The following C8A variants were observed in gnomAD, a reference collection of about 807,000 sequenced individuals.
C8A encodes the protein complement C8 alpha chain.
A neutral mutation model predicts 65.3 loss-of-function variants in C8A; 67 were observed. The ratio of observed to expected loss-of-function variants is 1.03; its 90% CI spans 0.84 to 1.26. The LOEUF (loss-of-function observed/expected upper bound fraction) is 1.26. Among genes scored for constraint, C8A ranks in the 50% most tolerant of loss-of-function variants. The pLI, the probability that C8A is intolerant of heterozygous loss-of-function variation, is 0.00. For synonymous variants in C8A, 290 were observed against 259.4 expected (o/e 1.12, Z -1.13); for missense variants, 781 against 723.9 (o/e 1.08, Z -0.90).
chr1:56,902,739 AGTCTTTATCCTTTT>A lies in C8A; in HGVS notation c.1097-3925_1097-3912del, dbSNP rs1644436333. Among the ~76,000 whole-genome samples the A allele has an allele frequency of 2.6e-5, 4 of 152,302 alleles. No individual in the cohort carries two copies. In the East Asian group the frequency reaches 7.7e-4, roughly 29 times the overall value. On this transcript the variant is annotated intron_variant, in intron 7 of 10. Transcript: ENST00000361249. ...ATATCTAATATAAGTGGAATCAGGC[AGTCTTTATCCTTTT>A]GTGACTGGCTTATTTCATATAGCAG...
At chr1:56,909,305 C>T (rs1484525631) in intron 9 of C8A, among the ~76,000 whole-genome samples, 2 of 152,170 alleles carry the variant, frequency 1.3e-5, no homozygotes, top group Non-Finnish European at 2.9e-5. Flanking sequence ...TATTTAAAAT[C>T]CCAGATATGG....
At chr1:56,876,948 C>T (rs607221) in intron 4 of C8A, among the ~76,000 whole-genome samples, 45,836 of 152,052 alleles carry the variant, frequency 0.3, 8,027 homozygotes, top group South Asian at 0.5. Context: ...GCTCTAACTC[C>T]CAATGTGACT....
chr1:56,917,281 T>A (rs1025021269), intron 10 of C8A, among the ~76,000 whole-genome samples: 3 of 152,224 alleles, frequency 2.0e-5, no homozygotes, highest in African/African-American at 7.2e-5. Context: ...CCCTCCTCAG[T>A]AGCAGCTCTG....
intron 4 of C8A, among the ~76,000 whole-genome samples, chr1:56,877,598 G>C (rs945669589): frequency 2.5e-4 from 38 of 152,234 alleles, no homozygotes; most frequent in Middle Eastern, 3.4e-3. Context: ...TAAACTCTTT[G>C]AGGGCAGAGG....
At chr1:56,901,419 A>T (rs1325751722) in intron 7 of C8A, among the ~76,000 whole-genome samples, 2 of 152,260 alleles carry the variant, frequency 1.3e-5, no homozygotes, top group East Asian at 3.9e-4. Flanking sequence ...AGCCACAGAC[A>T]TGCAGAAGCT....
chr1:56,913,997 A>T (rs1467210924), intron 10 of C8A, among the ~76,000 whole-genome samples: 1 of 152,216 alleles, frequency 6.6e-6, no homozygotes, highest in East Asian at 1.9e-4. Context: ...GCGTACCAAG[A>T]TTTTTGTTCT....
At chr1:56,858,726 G>A (rs2101182924) in intron 1 of C8A, among the ~76,000 whole-genome samples, 1 of 152,296 alleles carries the variant, frequency 6.6e-6, no homozygotes, top group Non-Finnish European at 1.5e-5. Context: ...AAAACAATTG[G>A]AGTAGTGGGT....
intron 7 of C8A, among the ~76,000 whole-genome samples, chr1:56,893,742 G>T (rs1168329400): frequency 6.6e-6 from 1 of 152,096 alleles, no homozygotes; most frequent in African/African-American, 2.4e-5. Flanking sequence ...TAGAGTGGTT[G>T]GTTGTGAAGA....
At position 56,886,113 on chromosome 1, in the gene C8A, G is replaced by C; in HGVS notation, c.1042G>C (p.Gly348Arg). The C allele has an allele frequency of 6.2e-7, 1 of 1,614,010 alleles. No individual in the cohort carries two copies. The highest frequency in any genetic ancestry group is 8.5e-7 in the Non-Finnish European group (1 of 1,179,942). The change falls in exon 7 of 11, where the codon GGT (glycine) becomes CGT (arginine). Residue 348 changes from glycine (G) to arginine (R), a missense_variant. By Grantham distance (125) the Gly-to-Arg change is moderately radical (BLOSUM62 -2). Coordinates refer to ENST00000361249, the MANE Select transcript of C8A (RefSeq NM_000562.3). The part of the protein sequence containing the change: ...GTHYITSGSM[G>R]GIYEYILVID... ...CCATTACATCACATCTGGATCCATG[G>C]GTGGCATTTATGAATATATCCTGGT...
intron 7 of C8A, among the ~76,000 whole-genome samples, chr1:56,890,774 G>A (rs1249454224): frequency 6.6e-6 from 1 of 152,084 alleles, no homozygotes; most frequent in Non-Finnish European, 1.5e-5. Flanking sequence ...GTGTATAGCA[G>A]TATTCTTATC....
chr1:56,890,990 A>G (rs1644340434), intron 7 of C8A, among the ~76,000 whole-genome samples: 1 of 152,186 alleles, frequency 6.6e-6, no homozygotes, highest in Non-Finnish European at 1.5e-5. Flanking sequence ...ATTTCCTAGA[A>G]TATAGTAGGG....
chr1:56,888,310 T>G (rs1279478193), intron 7 of C8A, among the ~76,000 whole-genome samples: 1 of 152,172 alleles, frequency 6.6e-6, no homozygotes, highest in African/African-American at 2.4e-5. Flanking sequence ...GCTAGAGTCA[T>G]TCATTAATTC....
Position 56,854,949 on chromosome 1 carries a change from T to C in C8A, c.48T>C (p.Pro16=). Residue 16 remains proline, a synonymous_variant, in exon 1 of 11, where the codon CCT becomes CCC. Transcript: ENST00000361249. ...TCTTGTCTTTGATGACTTGTCAGCC[T>C]GGGGTAACTGCACAGGAGAAGGTGA... ...FFILSLMTCQ[P]GVTAQEKVNQ... is the part of the protein sequence containing the mutation. The C allele has an allele frequency of 6.2e-7, 1 of 1,613,826 alleles. No homozygotes were observed. The highest frequency in any genetic ancestry group is 1.1e-5 in the South Asian group (1 of 91,000).
chr1:56,866,782 A>G lies in C8A; in HGVS notation c.78-827A>G, dbSNP rs1048655631. ...CTTGCGGCTTGTCTCTCTTTCCCTG[A>G]GTAGGCATTTTAATTGGTGAGGGGG... On this transcript the variant is annotated intron_variant, in intron 1 of 10. Coordinates refer to ENST00000361249, the MANE Select transcript of C8A (RefSeq NM_000562.3). Among the ~76,000 whole-genome samples the G allele has an allele frequency of 2.0e-5, 3 of 152,276 alleles. No individual in the cohort carries two copies. In the East Asian group the frequency reaches 5.8e-4, roughly 29 times the overall value.
intron 6 of C8A, among the ~76,000 whole-genome samples, chr1:56,885,321 T>TA (rs397954247): frequency 1.8e-4 from 22 of 122,408 alleles, no homozygotes; most frequent in African/African-American, 5.4e-4. Context: ...CATAAATATA[T>TA]TTATTTAAAT....
intron 2 of C8A, 129 bp from the exon 3 acceptor site, chr1:56,874,820 A>G (rs1437627440): frequency 9.7e-7 from 1 of 1,030,100 alleles, no homozygotes; most frequent in East Asian, 2.6e-5. Flanking sequence ...CCCTCAAAAG[A>G]CAGCTTCACA....
Position 56,917,551 on chromosome 1 carries a change from A to G in C8A, c.1604-14A>G. The stretch of plus-strand genomic sequence containing the variant: ...TATGCTAACCTTCTCCTCCCTGGGA[A>G]ATTTCCTCTGCAGGAGCCAAAGCAG... On this transcript the variant is annotated splice_polypyrimidine_tract_variant and intron_variant, in intron 10 of 10. Transcript: ENST00000361249. The G allele has an allele frequency of 6.2e-7, 1 of 1,614,070 alleles. No homozygotes were observed. The highest frequency in any genetic ancestry group is 8.5e-7 in the Non-Finnish European group (1 of 1,180,000).
At chr1:56,886,246 C>A in intron 7 of C8A, 79 bp downstream of exon 7, 1 of 1,543,328 alleles carries the variant, frequency 6.5e-7, no homozygotes, top group Non-Finnish European at 8.9e-7. Context: ...TAAGCACTGA[C>A]TATGAGCCAT....
intron 7 of C8A, among the ~76,000 whole-genome samples, chr1:56,889,063 A>G (rs1013186969): frequency 6.6e-6 from 1 of 152,070 alleles, no homozygotes; most frequent in East Asian, 1.9e-4. Flanking sequence ...GTGAGGCTGA[A>G]ATGGGCTTCC....
Sources: gnomAD v4.1 joint callset for allele counts (sites outside exome capture counted in the v4.1 genomes callset) on GRCh38, gnomAD v4.1.1 for gene constraint, MANE v1.5 for transcripts, NCBI Gene and HGNC (gene_info 2026-07-23, HGNC 2026-07-21) for gene names.